Variants in KBTBD11 observed in about 807,000 individuals in gnomAD.
The protein encoded by KBTBD11 is kelch repeat and BTB domain-containing protein 11.
For synonymous variants in KBTBD11, 747 were observed against 499.0 expected (o/e 1.50, Z -6.63); for missense variants, 1,390 against 1,001.8 (o/e 1.39, Z -5.23).
In KBTBD11 at chr8:2,006,178, C is replaced by T. The variant is rs1250968108; in HGVS notation, c.*3114C>T. 2 of 167,088 alleles carry T rather than the reference C, an allele frequency of 1.2e-5. No homozygotes were observed. The highest frequency in any genetic ancestry group is 2.1e-4 in the South Asian group (1 of 4,828). The allele number at this position is 167,088 out of a possible 1,614,324, so 10.4% of individuals were successfully genotyped here. ...AAGAAATTAATCATCTGCTCTGTTT[C>T]TGCTAATTTCTGGTGTCACTTCAGT... is the stretch of plus-strand genomic sequence containing the variant. On this transcript the variant is annotated 3_prime_UTR_variant, in exon 2 of 2. Coordinates refer to ENST00000320248, the MANE Select transcript of KBTBD11 (RefSeq NM_014867.3).
chr8:1,989,923 GTTTTTTTTTTT>G lies in KBTBD11; in HGVS notation c.-908-10346_-908-10336del, dbSNP rs5888896. 2.5e-4 allele frequency among the ~76,000 whole-genome samples: 18 copies of G among 71,732 alleles called. No individual in the cohort carries two copies. In the South Asian group the frequency reaches 0.011, roughly 43 times the overall value. 47.1% of individuals were successfully genotyped at this position (71,732 alleles called of 152,430 possible). A position where few individuals can be genotyped will look rare whatever the true frequency, so the allele number is the denominator to read the frequency against. On this transcript the variant is annotated intron_variant, in intron 1 of 1. Coordinates refer to ENST00000320248, the MANE Select transcript of KBTBD11 (RefSeq NM_014867.3). ...GGAACAGATAACGATGTCTCAGGTG[GTTTTTTTTTTT>G]TTTTTTTTTTTTTTTGAGGCCTCTT...
In KBTBD11 at chr8:2,002,471, C is replaced by T. The variant is rs935555829; in HGVS notation, c.1279C>T (p.Arg427Cys). Residue 427 changes from arginine (R) to cysteine (C), a missense_variant, in exon 2 of 2, where the codon CGC becomes TGC. Coordinates refer to ENST00000320248, the MANE Select transcript of KBTBD11 (RefSeq NM_014867.3). This position sits in a 1 kb window ranked among gnomAD's most constrained non-coding sequence, Gnocchi z 4.1. Reference protein sequence around the residue: ...VGGECLLSVERYDPRADRWAP... With the variant: ...VGGECLLSVECYDPRADRWAP... ...CGGCGAGTGCCTGCTCAGCGTGGAG[C>T]GCTACGACCCGCGCGCCGACCGCTG... 6.6e-6 allele frequency: 10 copies of T among 1,508,494 alleles called. No homozygotes were observed. The African/African-American group carries it at 1.3e-4, about 20-fold the overall frequency. 93.4% of individuals were successfully genotyped at this position (1,508,494 alleles called of 1,614,324 possible). A position where few individuals can be genotyped will look rare whatever the true frequency, so the allele number is the denominator to read the frequency against.
chr8:2,003,009 CG>C lies in KBTBD11; in HGVS notation c.1818del (p.Phe607SerfsTer87), dbSNP rs1373870498. The C allele has an allele frequency of 6.2e-6, 8 of 1,293,460 alleles. No homozygotes were observed. Among genetic ancestry groups the C allele is most frequent in the Non-Finnish European group, 7.8e-6 (8 of 1,020,680 alleles). 80.1% of individuals were successfully genotyped at this position (1,293,460 alleles called of 1,614,324 possible). ...TTGGACGTCCGGGGTGTGCTCATCCCGTTCGCTCTCAGCCTGCCTGAGAAGC... is the reference window on the plus strand; with the variant it reads ...TTGGACGTCCGGGGTGTGCTCATCCCTTCGCTCTCAGCCTGCCTGAGAAGC... The part of the protein sequence containing the change: ...APLDVRGVLI[P>X]FALSLPEKPP... On this transcript the variant is annotated frameshift_variant, in exon 2 of 2. Coordinates refer to ENST00000320248, the MANE Select transcript of KBTBD11 (RefSeq NM_014867.3). LOFTEE classifies it low-confidence loss of function (END_TRUNC).
At chr8:1,983,360 G>A (rs1469325315) in intron 1 of KBTBD11, among the ~76,000 whole-genome samples, 1 of 152,206 alleles carries the variant, frequency 6.6e-6, no homozygotes. Context: ...CCCCAGTCAC[G>A]ATGCTCCTTT....
intron 1 of KBTBD11, among the ~76,000 whole-genome samples, chr8:1,979,433 C>A (rs1254435881): frequency 6.6e-6 from 1 of 152,160 alleles, no homozygotes; most frequent in Non-Finnish European, 1.5e-5. Flanking sequence ...AGTTTGAGAC[C>A]AGCCTGGCCA....
rs71211538 is a variant in KBTBD11, at chr8:1,980,228, C to CT, written c.-909+6310dup. ...ATGATGTGAAATACTGATAATCAAA[C>CT]TTTTTTTTTTTTTTTTTGAGATGGG... On this transcript the variant is annotated intron_variant, in intron 1 of 1. Coordinates refer to ENST00000320248, the MANE Select transcript of KBTBD11 (RefSeq NM_014867.3). 4.6e-4 allele frequency among the ~76,000 whole-genome samples: 57 copies of CT among 124,606 alleles called. 6 individuals are homozygous for CT. Among genetic ancestry groups the CT allele is most frequent in the Admixed American group, 1.1e-3 (12 of 10,926 alleles). The allele number at this position is 124,606 out of a possible 152,430, so 81.7% of individuals were successfully genotyped here.
At chr8:1,985,661 G>A (rs191415976) in intron 1 of KBTBD11, among the ~76,000 whole-genome samples, 2 of 152,366 alleles carry the variant, frequency 1.3e-5, no homozygotes, top group African/African-American at 2.4e-5. Flanking sequence ...AGAAAAACAC[G>A]AAATAAAAAT....
At chr8:1,984,440 A>G (rs1473902727) in intron 1 of KBTBD11, among the ~76,000 whole-genome samples, 1 of 151,608 alleles carries the variant, frequency 6.6e-6, no homozygotes, top group African/African-American at 2.4e-5. Context: ...AGCTGCCCGC[A>G]CCACACCTGG....
At chr8:1,992,880 T>G (rs1430161349) in intron 1 of KBTBD11, among the ~76,000 whole-genome samples, 3 of 152,114 alleles carry the variant, frequency 2.0e-5, no homozygotes, top group Non-Finnish European at 4.4e-5. Flanking sequence ...GGAGCTGTCA[T>G]GTGGATAATA....
chr8:2,002,274 T>A lies in KBTBD11; in HGVS notation c.1082T>A (p.Leu361His). The A allele has an allele frequency of 7.6e-7, 1 of 1,320,042 alleles. No homozygotes were observed. The highest frequency in any genetic ancestry group is 9.6e-7 in the Non-Finnish European group (1 of 1,042,584). The allele number at this position is 1,320,042 out of a possible 1,614,324, so 81.8% of individuals were successfully genotyped here. Residue 361 changes from leucine (L) to histidine (H), a missense_variant, in exon 2 of 2, where the codon CTC (leucine) becomes CAC (histidine). Transcript: ENST00000320248. The surrounding 1 kb of genome is among the most constrained non-coding windows in gnomAD (Gnocchi z 4.1). ...GGCCTGTGCGTCCTCTACAACTACC[T>A]CTTCGTGGCGGGCGGCGTGGCGCCC... is the stretch of plus-strand genomic sequence containing the variant. Reference protein sequence around the residue: ...GCGLCVLYNYLFVAGGVAPAG... With the variant: ...GCGLCVLYNYHFVAGGVAPAG...
chr8:1,991,126 G>A (rs1341569674), intron 1 of KBTBD11, among the ~76,000 whole-genome samples: 5 of 151,974 alleles, frequency 3.3e-5, no homozygotes, highest in Non-Finnish European at 5.9e-5. Flanking sequence ...CCCTGTCCGG[G>A]TAGATGCTGT....
chr8:1,983,283 C>G (rs1466529063), intron 1 of KBTBD11, among the ~76,000 whole-genome samples: 1 of 152,216 alleles, frequency 6.6e-6, no homozygotes, highest in Non-Finnish European at 1.5e-5. Context: ...AAAAGGATGA[C>G]CTCATCTAGG....
intron 1 of KBTBD11, among the ~76,000 whole-genome samples, chr8:1,978,056 G>A (rs1334293305): frequency 6.6e-6 from 1 of 152,150 alleles, no homozygotes; most frequent in Non-Finnish European, 1.5e-5. Context: ...TTGTTACATA[G>A]GTAAACGTGT....
intron 1 of KBTBD11, among the ~76,000 whole-genome samples, chr8:1,985,568 A>T (rs893562026): frequency 4.6e-5 from 7 of 152,262 alleles, no homozygotes; most frequent in Admixed American, 1.3e-4. Flanking sequence ...TGTTTTCCTA[A>T]ATAATAACCT....
chr8:1,975,785 C>T (rs1346124415), intron 1 of KBTBD11: 1 of 152,214 alleles, frequency 6.6e-6, no homozygotes, highest in African/African-American at 2.4e-5. Context: ...AACCTCAGAG[C>T]ACCTTGCTCT....
At chr8:1,991,946 G>C (rs183824912) in intron 1 of KBTBD11, among the ~76,000 whole-genome samples, 1 of 152,084 alleles carries the variant, frequency 6.6e-6, no homozygotes, top group Non-Finnish European at 1.5e-5. Context: ...TTATTTCATC[G>C]CGGTAGACAC....
chr8:1,992,466 G>C (rs1563371152), intron 1 of KBTBD11, among the ~76,000 whole-genome samples: 2 of 152,014 alleles, frequency 1.3e-5, no homozygotes, highest in Non-Finnish European at 2.9e-5. Flanking sequence ...ATTGGAAGCG[G>C]GGGTGGGGTG....
At position 2,002,498 on chromosome 8, in the gene KBTBD11, GC is replaced by G; in HGVS notation, c.1311del (p.Val438TrpfsTer70). On this transcript the variant is annotated frameshift_variant, in exon 2 of 2. Coordinates refer to ENST00000320248, the MANE Select transcript of KBTBD11 (RefSeq NM_014867.3). LOFTEE classifies it low-confidence loss of function (END_TRUNC). This position sits in a 1 kb window ranked among gnomAD's most constrained non-coding sequence, Gnocchi z 4.1. ...CTACGACCCGCGCGCCGACCGCTGG[GC>G]CCCCGTGGCGCCGCTGCCCCGGGGC... The part of the protein sequence containing the change: ...ERYDPRADRW[A>X]PVAPLPRGAF... 1.3e-6 allele frequency: 2 copies of G among 1,510,362 alleles called. No homozygotes were observed. Among genetic ancestry groups the G allele is most frequent in the Admixed American group, 2.2e-5 (1 of 46,204 alleles). 93.6% of individuals were successfully genotyped at this position (1,510,362 alleles called of 1,614,324 possible). A position where few individuals can be genotyped will look rare whatever the true frequency, so the allele number is the denominator to read the frequency against.
chr8:1,988,240 T>C (rs1014660781), intron 1 of KBTBD11, among the ~76,000 whole-genome samples: 16 of 152,220 alleles, frequency 1.1e-4, no homozygotes, highest in Admixed American at 9.8e-4. Flanking sequence ...CCTTTGGGCA[T>C]ATACCCACTA....
Sources: allele counts gnomAD v4.1 joint callset (sites outside exome capture counted in the v4.1 genomes callset), GRCh38; gene constraint gnomAD v4.1.1; non-coding constraint Gnocchi (gnomAD v3.1); transcripts MANE v1.5; gene names NCBI Gene and HGNC (gene_info 2026-07-23, HGNC 2026-07-21).